EFHB: variants seen among roughly 807,000 people sequenced by gnomAD.
EFHB encodes the protein EF-hand domain family member B.
EFHB carries 91 observed loss-of-function variants against 87.2 expected under a neutral mutation model. The ratio of observed to expected loss-of-function variants is 1.04; its 90% CI spans 0.88 to 1.24. EFHB has a LOEUF of 1.24. Among genes scored for constraint, EFHB ranks in the 50% most tolerant of loss-of-function variants. The pLI is 0.00. For synonymous variants in EFHB, 325 were observed against 333.6 expected (o/e 0.97, Z 0.28); for missense variants, 1,084 against 998.8 (o/e 1.09, Z -1.15).
chr3:19,929,207 CT>C (rs34805655), intron 1 of EFHB, among the ~76,000 whole-genome samples: 83,124 of 146,372 alleles, frequency 0.57, 23,982 homozygotes, highest in Non-Finnish European at 0.64. Context: ...TTTTTTTTAA[CT>C]TTTTTTTTTT....
intron 3 of EFHB, among the ~76,000 whole-genome samples, 161 bp from the exon 4 acceptor site, chr3:19,918,573 G>T (rs1334751328): frequency 6.6e-6 from 1 of 152,020 alleles, no homozygotes; most frequent in Non-Finnish European, 1.5e-5. Flanking sequence ...TGTCAGAATT[G>T]GCTATGAAGT....
chr3:19,928,362 C>A (rs1372491037), intron 1 of EFHB, among the ~76,000 whole-genome samples: 1 of 152,216 alleles, frequency 6.6e-6, no homozygotes, highest in Non-Finnish European at 1.5e-5. Context: ...GTGTTCTTAA[C>A]TTTAAATATC....
In EFHB at chr3:19,884,402, C is replaced by A. The variant is rs776312787; in HGVS notation, c.2146+1G>T. ...TAAAACTTGACAAATAAGTGACATA[C>A]AAGTAGAAGGAATGGCTCCTACAAT... On this transcript the variant is annotated splice_donor_variant, in intron 11 of 12. Coordinates refer to ENST00000295824, the MANE Select transcript of EFHB (RefSeq NM_144715.4). LOFTEE classifies it high-confidence loss of function. The A allele has an allele frequency of 1.9e-6, 3 of 1,612,190 alleles. No individual in the cohort carries two copies. In the African/African-American group the frequency reaches 4.0e-5, roughly 22 times the overall value.
rs1218692329 is a variant in EFHB, at chr3:19,908,582, G to A, written c.1289-2833C>T. Among the ~76,000 whole-genome samples the A allele has an allele frequency of 2.3e-3, 268 of 118,218 alleles. 3 individuals are homozygous for A. Among genetic ancestry groups the A allele is most frequent in the African/African-American group, 6.1e-3 (160 of 26,026 alleles). The allele number at this position is 118,218 out of a possible 152,430, so 77.6% of individuals were successfully genotyped here. On this transcript the variant is annotated intron_variant, in intron 5 of 12. Transcript: ENST00000295824. ...AGAGAAAGAGAGAGAGAGAGAGAGA[G>A]AGAGAGAGAGAGAGAGAGAAAGAAA...
chr3:19,888,598 G>A lies in EFHB; in HGVS notation c.1779C>T (p.Ala593=). ...GGAGCTTGTCATCTAAACTCAAGTT[G>A]GCCTGGTCACAAGCTTCCTGCAGCT... The part of the protein sequence containing the change: ...KDELQEACDQ[A]NLSLDDKLLD... Residue 593 remains alanine, a synonymous_variant, in exon 10 of 13, where the codon GCC becomes GCT. Coordinates refer to ENST00000295824, the MANE Select transcript of EFHB (RefSeq NM_144715.4). 6.2e-7 allele frequency: 1 copy of A among 1,607,464 alleles called. No homozygotes were observed. Among genetic ancestry groups the A allele is most frequent in the Admixed American group, 1.7e-5 (1 of 59,262 alleles).
At chr3:19,936,464 T>C (rs961436329), upstream of EFHB, 3 of 440,990 alleles carry the variant, frequency 6.8e-6, no homozygotes, top group African/African-American at 6.0e-5. Context: ...CTCAGGAGGC[T>C]GAGGTGGGAG....
chr3:19,905,685 T>G lies in EFHB; in HGVS notation c.1353A>C (p.Pro451=). The change falls in exon 6 of 13, where the codon CCA becomes CCC. Residue 451 remains proline, a synonymous_variant. Transcript: ENST00000295824. The stretch of plus-strand genomic sequence containing the variant: ...CTCGTCCATCATTAAAATGTGGTGT[T>G]GGTACTCCATACACACTACACCTAT... ...SFHRCSVYGV[P]TPHFNDGRAM... is the part of the protein sequence containing the mutation. The G allele has an allele frequency of 6.2e-7, 1 of 1,613,888 alleles. No individual in the cohort carries two copies. Among genetic ancestry groups the G allele is most frequent in the East Asian group, 2.2e-5 (1 of 44,868 alleles).
intron 5 of EFHB, among the ~76,000 whole-genome samples, chr3:19,908,404 G>A (rs1694910700): frequency 6.6e-6 from 1 of 151,780 alleles, no homozygotes; most frequent in African/African-American, 2.4e-5. Flanking sequence ...ATGGTGGCGG[G>A]CGCCTGTAAT....
upstream of EFHB, chr3:19,936,098 TA>T (rs1696011360): frequency 1.6e-6 from 2 of 1,251,618 alleles, no homozygotes; most frequent in South Asian, 2.5e-5. Context: ...AATCCAAAAA[TA>T]TTTTTTTAAA....
chr3:19,933,182 C>T (rs1695887080), intron 1 of EFHB, 48 bp downstream of exon 1: 2 of 1,530,210 alleles, frequency 1.3e-6, no homozygotes, highest in African/African-American at 2.8e-5. Context: ...TCAATAAAGA[C>T]ATGGCTATAC....
At chr3:19,905,160 G>A (rs1358877587) in intron 6 of EFHB, among the ~76,000 whole-genome samples, 1 of 152,172 alleles carries the variant, frequency 6.6e-6, no homozygotes, top group Admixed American at 6.5e-5. Context: ...GAAGGCTGAG[G>A]TGGATAGCTT....
intron 1 of EFHB, among the ~76,000 whole-genome samples, chr3:19,928,870 C>T (rs988550399): frequency 6.6e-6 from 1 of 151,596 alleles, no homozygotes; most frequent in African/African-American, 2.4e-5. Flanking sequence ...ATATGATTGT[C>T]AACCTAAAAT....
intron 1 of EFHB, among the ~76,000 whole-genome samples, chr3:19,926,657 G>A (rs1273136724): frequency 1.3e-4 from 7 of 52,070 alleles, no homozygotes; most frequent in Non-Finnish European, 3.0e-4. Context: ...ACCACGCCCA[G>A]CCTGCTTTTT....
chr3:19,906,230 G>A (rs1694839417), intron 5 of EFHB, among the ~76,000 whole-genome samples: 1 of 152,204 alleles, frequency 6.6e-6, no homozygotes, highest in Non-Finnish European at 1.5e-5. Flanking sequence ...TTCGGAGGCT[G>A]AGGCACGAGA....
At position 19,905,743 on chromosome 3, in the gene EFHB, G is replaced by C. The variant is rs1360150890; in HGVS notation, c.1295C>G (p.Ala432Gly). The C allele has an allele frequency of 1.2e-6, 2 of 1,605,650 alleles. No individual in the cohort carries two copies. Among genetic ancestry groups the C allele is most frequent in the Admixed American group, 3.4e-5 (2 of 59,524 alleles). Reference sequence around the variant, plus strand: ...TGATGGGTTATACTTTCGGTTCTTTGCCTCTCCTGTGGAAAAAGAAAGGAA... The same window carrying C: ...TGATGGGTTATACTTTCGGTTCTTTCCCTCTCCTGTGGAAAAAGAAAGGAA... ...VSHNDYYAGE[A>G]KNRKYNPSSF... Residue 432 changes from alanine (A) to glycine (G), a missense_variant, in exon 6 of 13, where the codon GCA (alanine) becomes GGA (glycine). By Grantham distance (60) the Ala-to-Gly change is moderately conservative. Transcript: ENST00000295824.
At chr3:19,895,154 C>A (rs780289960) in intron 9 of EFHB, among the ~76,000 whole-genome samples, 1 of 150,018 alleles carries the variant, frequency 6.7e-6, no homozygotes, top group Non-Finnish European at 1.5e-5. Flanking sequence ...TTAAATAATT[C>A]TCAGTAATTT....
chr3:19,938,496 A>T (rs990207286), upstream of EFHB, among the ~76,000 whole-genome samples: 4 of 152,226 alleles, frequency 2.6e-5, no homozygotes, highest in Non-Finnish European at 5.9e-5. Context: ...GTAAAATGCT[A>T]ATTGTAGAAT....
At chr3:19,897,496 C>T (rs2929381) in intron 8 of EFHB, among the ~76,000 whole-genome samples, 4 of 151,980 alleles carry the variant, frequency 2.6e-5, no homozygotes, top group Non-Finnish European at 4.4e-5. Context: ...TCCTGCCTCT[C>T]TTCATTTTCC....
At chr3:19,884,346 G>C in intron 11 of EFHB, 57 bp downstream of exon 11, 3 of 1,494,614 alleles carry the variant, frequency 2.0e-6, no homozygotes, top group Non-Finnish European at 2.7e-6. Context: ...GACAATGCAA[G>C]GACAGACAGA....
Sources: gnomAD v4.1 joint callset for allele counts (sites outside exome capture counted in the v4.1 genomes callset) on GRCh38, gnomAD v4.1.1 for gene constraint, MANE v1.5 for transcripts, NCBI Gene and HGNC (gene_info 2026-07-23, HGNC 2026-07-21) for gene names.